RALGDS: variants seen among roughly 807,000 people sequenced by gnomAD.
RALGDS encodes ral guanine nucleotide exchange factor.
A neutral mutation model predicts 99.8 loss-of-function variants in RALGDS; 44 were observed. The observed-to-expected ratio is 0.44, with a 90% CI of 0.35 to 0.57. The LOEUF (loss-of-function observed/expected upper bound fraction) is 0.57, where lower values mean the gene tolerates loss of function less well. RALGDS is among the 20% of genes least tolerant of loss of function. The probability of loss-of-function intolerance (pLI) is 0.01; values close to 1 mark genes in which losing one functional copy is unlikely to be tolerated. For synonymous variants in RALGDS, 529 were observed against 505.0 expected, an observed-to-expected ratio of 1.05 and a Z score of -0.64; for missense variants, 1,022 against 1,203.1, an observed-to-expected ratio of 0.85 and a Z score of 2.23.
chr9:133,140,568 A>C (rs1397035005), intron 1 of RALGDS, among the ~76,000 whole-genome samples: 3 of 152,066 alleles, frequency 2.0e-5, no homozygotes, highest in Non-Finnish European at 4.4e-5. Context: ...GCCCTCCAGC[A>C]GGCAGTGGGT....
chr9:133,149,030 G>T (rs1832671892), exon 1 of RALGDS: 1 of 1,501,194 alleles, frequency 6.7e-7, no homozygotes. Context: ...CCCGGGGCTC[G>T]CAGAGGCCGC....
chr9:133,129,182 G>A (rs1410939953), intron 1 of RALGDS: 54 of 1,596,874 alleles, frequency 3.4e-5, no homozygotes, highest in African/African-American at 6.7e-5. Flanking sequence ...CCAAGGTGTC[G>A]GGCTTTGGAG....
At chr9:133,130,523 A>G (rs1350003866) in intron 1 of RALGDS, among the ~76,000 whole-genome samples, 1 of 152,204 alleles carries the variant, frequency 6.6e-6, no homozygotes, top group Non-Finnish European at 1.5e-5. Flanking sequence ...CACCATTCAG[A>G]AAAAACACCA....
chr9:133,108,281 C>T lies in RALGDS; in HGVS notation c.904G>A (p.Gly302Ser). 1 of 1,566,322 alleles carries T rather than the reference C, an allele frequency of 6.4e-7. No homozygotes were observed. Among genetic ancestry groups the T allele is most frequent in the Non-Finnish European group, 8.7e-7 (1 of 1,155,578 alleles). Residue 302 changes from glycine to serine, a missense_variant, in exon 6 of 18, where the codon GGT becomes AGT. Gly to Ser is a moderately conservative substitution (Grantham distance 56, BLOSUM62 0). Coordinates refer to ENST00000372050, the MANE Select transcript of RALGDS (RefSeq NM_006266.4). ...EPEPAPTPAP[G>S]SELEVAPAPA... ...GCTGGAGCTACTTCTAGCTCTGAACCTGGAGCTGGTGTTGGAGCTGGCTCT... is the reference window on the plus strand; with the variant it reads ...GCTGGAGCTACTTCTAGCTCTGAACTTGGAGCTGGTGTTGGAGCTGGCTCT...
At chr9:133,120,342 C>CCCTGGG (rs1275506486) in intron 1 of RALGDS, among the ~76,000 whole-genome samples, 2 of 152,156 alleles carry the variant, frequency 1.3e-5, no homozygotes, top group African/African-American at 4.8e-5. Flanking sequence ...GTCTTGCCCG[C>CCCTGGG]CCTGGGCCTG....
upstream of RALGDS, among the ~76,000 whole-genome samples, chr9:133,125,695 C>T (rs1460687263): frequency 6.6e-6 from 1 of 152,108 alleles, no homozygotes; most frequent in Non-Finnish European, 1.5e-5. Flanking sequence ...GAGATTGCAC[C>T]ACCGCACTCC....
intron 1 of RALGDS, among the ~76,000 whole-genome samples, chr9:133,142,369 G>A (rs1197829975): frequency 1.3e-5 from 2 of 152,110 alleles, no homozygotes. Flanking sequence ...GTGGGTGTGC[G>A]CTGGTGGGGG....
At chr9:133,143,771 T>TAACAACAACAACAACAAC (rs759265482) in intron 1 of RALGDS, among the ~76,000 whole-genome samples, 3 of 111,624 alleles carry the variant, frequency 2.7e-5, no homozygotes, top group Non-Finnish European at 5.5e-5. Flanking sequence ...ATAATAATAA[T>TAACAACAACAACAACAAC]AACAACAACA....
chr9:133,121,261 T>C (rs1831930811), upstream of RALGDS: 1 of 979,964 alleles, frequency 1.0e-6, no homozygotes, highest in Non-Finnish European at 1.2e-6. Flanking sequence ...GGCCCGGCCC[T>C]GCTGATGTCA....
In RALGDS at chr9:133,112,111, G is replaced by A. The variant is rs775902099; in HGVS notation, c.225C>T (p.Val75=). ...QEIGEELING[V]IYSISLRKVQ... ...CCTTGCGCAGGGAGATGGAGTAGATGACTCCGTTGATCAGCTCCTCACCGA... is the reference window on the plus strand; with the variant it reads ...CCTTGCGCAGGGAGATGGAGTAGATAACTCCGTTGATCAGCTCCTCACCGA... The change falls in exon 2 of 18, where the codon GTC becomes GTT. Residue 75 remains valine, a synonymous_variant. Coordinates refer to ENST00000372050, the MANE Select transcript of RALGDS (RefSeq NM_006266.4). 1 of 1,582,502 alleles carries A rather than the reference G, an allele frequency of 6.3e-7. No homozygotes were observed.
At chr9:133,147,062 T>C (rs2119281225) in intron 1 of RALGDS, among the ~76,000 whole-genome samples, 1 of 152,240 alleles carries the variant, frequency 6.6e-6, no homozygotes, top group East Asian at 1.9e-4. Flanking sequence ...TACATTAGGG[T>C]AGTGTTGTCA....
intron 1 of RALGDS, among the ~76,000 whole-genome samples, chr9:133,118,342 G>C (rs1047332849): frequency 2.0e-5 from 3 of 152,200 alleles, no homozygotes; most frequent in Admixed American, 1.3e-4. Flanking sequence ...GGGAAGACGC[G>C]GGAGGCTGAA....
chr9:133,125,542 T>C (rs774107421), upstream of RALGDS, among the ~76,000 whole-genome samples: 1 of 152,176 alleles, frequency 6.6e-6, no homozygotes, highest in Non-Finnish European at 1.5e-5. Flanking sequence ...AAGACCAGCC[T>C]GGCCAACGTG....
rs1267800403 is a variant in RALGDS, at chr9:133,108,300, T to C, written c.885A>G (p.Pro295=). 1.9e-6 allele frequency: 3 copies of C among 1,552,556 alleles called. No homozygotes were observed. Among genetic ancestry groups the C allele is most frequent in the Non-Finnish European group, 2.6e-6 (3 of 1,149,470 alleles). ...PVPAPAPEPE[P]APTPAPGSEL... Reference sequence around the variant, plus strand: ...CTGAACCTGGAGCTGGTGTTGGAGCTGGCTCTGGCTCCGGGGCTGGAGCCG... The same window carrying C: ...CTGAACCTGGAGCTGGTGTTGGAGCCGGCTCTGGCTCCGGGGCTGGAGCCG... Residue 295 remains proline (P), a synonymous_variant, in exon 6 of 18, where the codon CCA becomes CCG. Transcript: ENST00000372050.
rs373795910 is a variant in RALGDS, at chr9:133,142,602, C to A, written c.18+6361G>T. Among the ~76,000 whole-genome samples, 492 of 152,268 alleles carry A rather than the reference C, an allele frequency of 3.2e-3. 6 individuals carry two copies. Among genetic ancestry groups the A allele is most frequent in the African/African-American group, 0.012 (479 of 41,554 alleles). ...GGCTTGGCTGCCCTGGGAGGGGACA[C>A]TGGGAGTCCATAAGCTCACACCCCA... On this transcript the variant is annotated intron_variant, in intron 1 of 17. Transcript: ENST00000393160.
rs532074553 is a variant in RALGDS at position 133,146,585 on chromosome 9, C to T, written c.18+2378G>A. 3.3e-5 allele frequency among the ~76,000 whole-genome samples: 5 copies of T among 152,254 alleles called. No homozygotes were observed. In the East Asian group the frequency reaches 7.7e-4, roughly 24 times the overall value. On this transcript the variant is annotated intron_variant, in intron 1 of 17. Coordinates refer to the RALGDS transcript ENST00000393160. ...CCCCAGAGATCCCTGCCTCCTGGTA[C>T]ATAAGTTGCTGAGTGATCCCCTTCC...
At chr9:133,138,827 G>T (rs1279545346) in intron 1 of RALGDS, among the ~76,000 whole-genome samples, 1 of 152,186 alleles carries the variant, frequency 6.6e-6, no homozygotes, top group Non-Finnish European at 1.5e-5. Flanking sequence ...TAGAGATGGG[G>T]TTTCACCGTG....
At chr9:133,102,246 C>A in intron 14 of RALGDS, 107 bp from the exon 15 acceptor site, 2 of 1,264,180 alleles carry the variant, frequency 1.6e-6, no homozygotes, top group Non-Finnish European at 2.2e-6. Context: ...GGGACAGTTG[C>A]CAGTACTCCA....
At chr9:133,139,442 C>T (rs1472465287) in intron 1 of RALGDS, among the ~76,000 whole-genome samples, 1 of 152,154 alleles carries the variant, frequency 6.6e-6, no homozygotes, top group African/African-American at 2.4e-5. Context: ...TGAGACCTTC[C>T]ACACTGGGCA....
Sources: gnomAD v4.1 joint callset for allele counts (sites outside exome capture counted in the v4.1 genomes callset) on GRCh38, gnomAD v4.1.1 for gene constraint, MANE v1.5 for transcripts, NCBI Gene and HGNC (gene_info 2026-07-23, HGNC 2026-07-21) for gene names.